Variants in VDAC1 observed in about 807,000 individuals in gnomAD.
The protein encoded by VDAC1 is voltage dependent anion channel 1.
A neutral mutation model predicts 34.7 loss-of-function variants in VDAC1; 10 were observed. That is an observed-to-expected ratio of 0.29 (90% CI 0.18 to 0.49). VDAC1 has a LOEUF of 0.49. VDAC1 is among the 20% of genes least tolerant of loss of function. VDAC1 has a pLI of 0.99. For missense variants in VDAC1, 230 were observed against 347.9 expected (o/e 0.66, Z 2.69); for synonymous variants, 130 against 136.0 (o/e 0.96, Z 0.30).
At chr5:134,059,084 G>A in the VDAC1 span, among the ~76,000 whole-genome samples, 1 of 152,224 alleles carries the variant, frequency 6.6e-6, no homozygotes, top group Non-Finnish European at 1.5e-5. Flanking sequence ...AACAGGCCAT[G>A]AGTCACAAAT....
chr5:134,085,076 C>CTTTTCTTT, the VDAC1 span, among the ~76,000 whole-genome samples: 2 of 145,974 alleles, frequency 1.4e-5, no homozygotes, highest in Non-Finnish European at 3.0e-5. Context: ...TTTTTCTTTT[C>CTTTTCTTT]TTTTTTTTTT....
At position 133,980,813 on chromosome 5, in the gene VDAC1, T is replaced by C. The variant is rs746808857; in HGVS notation, c.467A>G (p.Asn156Ser). The C allele has an allele frequency of 6.4e-7, 1 of 1,568,564 alleles. No homozygotes were observed. Among genetic ancestry groups the C allele is most frequent in the African/African-American group, 1.4e-5 (1 of 70,878 alleles). ...YEGWLAGYQM[N>S]FETAKSRVTQ... The stretch of plus-strand genomic sequence containing the variant: ...CACTCGGGATTTTGCAGTCTCAAAA[T>C]TCATCTGGTAGCCGGCCAGCCAGCC... The change falls in exon 6 of 9, where the codon AAT becomes AGT. Residue 156 changes from asparagine to serine, a missense_variant. Coordinates refer to ENST00000265333, the MANE Select transcript of VDAC1 (RefSeq NM_003374.3).
the VDAC1 span, among the ~76,000 whole-genome samples, chr5:134,060,870 T>C: frequency 3.2e-5 from 3 of 93,488 alleles, no homozygotes; most frequent in Non-Finnish European, 6.2e-5. Flanking sequence ...GATCTCCTCC[T>C]CTTCTTCTTC....
the VDAC1 span, among the ~76,000 whole-genome samples, chr5:134,102,467 G>A: frequency 6.6e-6 from 1 of 152,034 alleles, no homozygotes; most frequent in East Asian, 1.9e-4. Flanking sequence ...TCGGGAGTTC[G>A]AGACCAGCCT....
the VDAC1 span, among the ~76,000 whole-genome samples, chr5:134,055,588 G>GTTTTTTATTTTTTTTTTTTTTTTTTTTTT: frequency 1.7e-5 from 1 of 59,626 alleles, no homozygotes; most frequent in Non-Finnish European, 2.9e-5. Flanking sequence ...CCCCGCTAAT[G>GTTTTTTATTTTTTTTTTTTTTTTTTTTTT]TTTTTTTTTT....
the VDAC1 span, among the ~76,000 whole-genome samples, chr5:134,103,376 G>T: frequency 6.6e-6 from 1 of 152,142 alleles, no homozygotes; most frequent in Non-Finnish European, 1.5e-5. Context: ...GGCCACCTCG[G>T]CCTCCCAAAG....
the VDAC1 span, among the ~76,000 whole-genome samples, chr5:134,092,831 T>C: frequency 4.3e-4 from 66 of 152,290 alleles, no homozygotes; most frequent in African/African-American, 1.5e-3. Flanking sequence ...GTTCAGTAAA[T>C]GCTAGGGCTT....
the VDAC1 span, among the ~76,000 whole-genome samples, chr5:134,107,395 C>T: frequency 6.6e-6 from 1 of 152,250 alleles, no homozygotes; most frequent in Admixed American, 6.5e-5. Flanking sequence ...CTTCCTCAAG[C>T]CGAGATGAAA....
chr5:134,003,313 G>A (rs1239226362), intron 1 of VDAC1, among the ~76,000 whole-genome samples: 1 of 152,160 alleles, frequency 6.6e-6, no homozygotes, highest in Non-Finnish European at 1.5e-5. Flanking sequence ...GCCTTCTCCT[G>A]CCTCAGTGGA....
upstream of VDAC1, among the ~76,000 whole-genome samples, chr5:134,005,994 G>C (rs977631360): frequency 2.6e-5 from 4 of 152,188 alleles, no homozygotes; most frequent in Non-Finnish European, 1.5e-5. Flanking sequence ...AGGACTGGCT[G>C]CTGGGAAAAG....
chr5:133,986,976 T>C (rs1329179813), intron 5 of VDAC1, among the ~76,000 whole-genome samples: 2 of 152,310 alleles, frequency 1.3e-5, no homozygotes, highest in East Asian at 1.9e-4. Flanking sequence ...AAATAAATAA[T>C]TGATTAAATA....
At chr5:134,044,884 C>T in the VDAC1 span, among the ~76,000 whole-genome samples, 1 of 152,224 alleles carries the variant, frequency 6.6e-6, no homozygotes, top group Non-Finnish European at 1.5e-5. Flanking sequence ...TCAAGGAGCT[C>T]ATCACCATGT....
chr5:134,108,259 A>G, the VDAC1 span, among the ~76,000 whole-genome samples: 125,619 of 152,152 alleles, frequency 0.83, 51,904 homozygotes, highest in East Asian at 0.85. Context: ...GGGAGCCTGA[A>G]GAAACACATT....
At chr5:134,106,241 C>A in the VDAC1 span, among the ~76,000 whole-genome samples, 1 of 152,140 alleles carries the variant, frequency 6.6e-6, no homozygotes, top group Non-Finnish European at 1.5e-5. Context: ...TGGTGAAGAC[C>A]AAACAAGGTA....
At chr5:134,032,703 T>C in the VDAC1 span, among the ~76,000 whole-genome samples, 15 of 152,142 alleles carry the variant, frequency 9.9e-5, no homozygotes, top group Non-Finnish European at 1.8e-4. Flanking sequence ...AGAGTATGTA[T>C]GGTATGCTCC....
At chr5:134,090,573 T>G in the VDAC1 span, among the ~76,000 whole-genome samples, 1 of 152,150 alleles carries the variant, frequency 6.6e-6, no homozygotes, top group South Asian at 2.1e-4. Flanking sequence ...AAGTGATGAT[T>G]GGCTGTCCTC....
chr5:134,080,280 C>T, the VDAC1 span, among the ~76,000 whole-genome samples: 1 of 152,218 alleles, frequency 6.6e-6, no homozygotes, highest in Non-Finnish European at 1.5e-5. Flanking sequence ...ATTTCTAGGC[C>T]CTTGGACACT....
At chr5:134,000,067 C>G (rs1212154169) in intron 1 of VDAC1, among the ~76,000 whole-genome samples, 3 of 152,090 alleles carry the variant, frequency 2.0e-5, no homozygotes, top group African/African-American at 7.2e-5. Context: ...CTCTAAAAGC[C>G]AACATGGGGG....
chr5:133,981,771 C>T (rs1752710172), intron 5 of VDAC1, among the ~76,000 whole-genome samples: 1 of 152,178 alleles, frequency 6.6e-6, no homozygotes, highest in Admixed American at 6.5e-5. Flanking sequence ...TCACATCCAA[C>T]AAATACAACA....
Sources: allele counts gnomAD v4.1 joint callset (sites outside exome capture counted in the v4.1 genomes callset), GRCh38; gene constraint gnomAD v4.1.1; transcripts MANE v1.5; gene names NCBI Gene and HGNC (gene_info 2026-07-23, HGNC 2026-07-21).